DDHD1: variants seen among roughly 807,000 people sequenced by gnomAD.
DDHD1 encodes the protein DDHD domain containing 1.
Under a neutral mutation model 96.4 loss-of-function variants are expected in DDHD1, and 49 were observed. The ratio of observed to expected loss-of-function variants is 0.51; its 90% confidence interval spans 0.40 to 0.64. DDHD1 has a LOEUF of 0.64. DDHD1 is among the 30% of genes least tolerant of loss of function. DDHD1 has a pLI of 0.00. For synonymous variants in DDHD1, 442 were observed against 446.5 expected (o/e 0.99, Z 0.13); for missense variants, 1,106 against 1,161.2 (o/e 0.95, Z 0.69).
At chr14:53,125,282 C>T (rs182640780) in intron 1 of DDHD1, among the ~76,000 whole-genome samples, 4 of 152,236 alleles carry the variant, frequency 2.6e-5, no homozygotes, top group African/African-American at 9.6e-5. Context: ...TTTATATCAA[C>T]TCTTCCAAGT....
In DDHD1 at chr14:53,103,162, T is replaced by C. The variant is rs574283612; in HGVS notation, c.1012+521A>G. Reference sequence around the variant, plus strand: ...TGGCAATCTTAGCTACTATACAGTATTTTGAACTGTTACAAAAATATGCAA... The same window carrying C: ...TGGCAATCTTAGCTACTATACAGTACTTTGAACTGTTACAAAAATATGCAA... On this transcript the variant is annotated intron_variant, in intron 2 of 12. Coordinates refer to ENST00000673822, the MANE Select transcript of DDHD1 (RefSeq NM_001160148.2). The C allele has an allele frequency of 1.5e-5, 15 of 1,021,918 alleles. No homozygotes were observed. The East Asian group carries it at 3.9e-4, about 26-fold the overall frequency. 63.3% of individuals were successfully genotyped at this position (1,021,918 alleles called of 1,614,324 possible).
rs777246778 is a variant in DDHD1, at chr14:53,054,480, G to T, written c.2395C>A (p.Gln799Lys). ...CCAGAACTGCTATGTGGAAGGGTCT[G>T]TGTCCCTACGGTGGTAGCAGAAGGT... ...ASPSATTVGT[Q>K]TLPHSSSGFL... Residue 799 changes from glutamine (Q) to lysine (K), a missense_variant, in exon 11 of 13, where the codon CAG becomes AAG. This residue lies in a region of DDHD1 where 650 missense variants were observed against 758.8 expected (regional missense o/e 0.86). Transcript: ENST00000673822. 1 of 1,614,118 alleles carries T rather than the reference G, an allele frequency of 6.2e-7. No homozygotes were observed. Among genetic ancestry groups the T allele is most frequent in the Non-Finnish European group, 8.5e-7 (1 of 1,179,968 alleles).
chr14:53,042,485 CATGAT>C lies in DDHD1; in HGVS notation c.*4278_*4282del, dbSNP rs1759724455. 4 of 152,268 alleles carry C rather than the reference CATGAT, an allele frequency of 2.6e-5. No homozygotes were observed. The South Asian group carries it at 8.3e-4, about 32-fold the overall frequency. 9.4% of individuals were successfully genotyped at this position (152,268 alleles called of 1,614,324 possible). On this transcript the variant is annotated 3_prime_UTR_variant, in exon 13 of 13. Transcript: ENST00000673822. ...ACCTTTACTGCTATTTAAATGCTGACATGATACTGTAACAGGGTTGGATTAAATGA... is the reference window on the plus strand; with the variant it reads ...ACCTTTACTGCTATTTAAATGCTGACACTGTAACAGGGTTGGATTAAATGA...
chr14:53,077,324 C>T (rs1440624728), intron 4 of DDHD1, among the ~76,000 whole-genome samples: 2 of 152,138 alleles, frequency 1.3e-5, no homozygotes, highest in African/African-American at 4.8e-5. Flanking sequence ...AATTCCATCA[C>T]TCTTCATTTG....
intron 1 of DDHD1, among the ~76,000 whole-genome samples, chr14:53,119,435 T>C (rs144686608): frequency 1.9e-4 from 29 of 152,162 alleles, no homozygotes; most frequent in African/African-American, 6.3e-4. Context: ...AAAGAAAGAA[T>C]CCTCCCTAAC....
intron 1 of DDHD1, among the ~76,000 whole-genome samples, chr14:53,109,180 T>G (rs1887921536): frequency 6.6e-6 from 1 of 152,174 alleles, no homozygotes; most frequent in Non-Finnish European, 1.5e-5. Flanking sequence ...CTTCCTTTCC[T>G]CTTGCTGCCA....
At position 53,084,140 on chromosome 14, in the gene DDHD1, G is replaced by A. The variant is rs146716228; in HGVS notation, c.1289+7645C>T. 3.3e-4 allele frequency among the ~76,000 whole-genome samples: 50 copies of A among 152,138 alleles called. No individual in the cohort carries two copies. The East Asian group carries it at 4.1e-3, about 12-fold the overall frequency. On this transcript the variant is annotated intron_variant, in intron 4 of 12. Transcript: ENST00000673822. ...ACTAGCTAATGCACAGACTAGCTGG[G>A]ACTTTTGGAAAAAAGGACTTATTCT...
rs768108001 is a variant in DDHD1, at chr14:53,051,844, C to T, written c.2521G>A (p.Val841Met). ...NVMQNKDNAL[V>M]ELDHRIDFEL... ...ATGCTATTCCTGACATATACCATACCGAGGGCATTATCTTTATTCTGCATT... is the reference window on the plus strand; with the variant it reads ...ATGCTATTCCTGACATATACCATACTGAGGGCATTATCTTTATTCTGCATT... The change falls in exon 12 of 13, where the codon GTG (valine) becomes ATG (methionine). Residue 841 changes from valine to methionine, a missense_variant and splice_region_variant. Val to Met is a conservative substitution (Grantham distance 21, BLOSUM62 1). Transcript: ENST00000673822. 4.4e-6 allele frequency: 7 copies of T among 1,588,338 alleles called. No individual in the cohort carries two copies. The highest frequency in any genetic ancestry group is 6.0e-6 in the Non-Finnish European group (7 of 1,164,578).
rs555553924 is a variant in DDHD1 at position 53,112,738 on chromosome 14, T to A, written c.839-8882A>T. ...CATGTGGAATAGTCTTTACAGCATC[T>A]ATCATCTATACCAGTATAATTTGTG... On this transcript the variant is annotated intron_variant, in intron 1 of 12. Coordinates refer to ENST00000673822, the MANE Select transcript of DDHD1 (RefSeq NM_001160148.2). Among the ~76,000 whole-genome samples the A allele has an allele frequency of 2.6e-4, 39 of 152,328 alleles. No homozygotes were observed. In the South Asian group the frequency reaches 8.1e-3, roughly 32 times the overall value.
At chr14:53,146,207 C>T (rs1012004802) in intron 1 of DDHD1, among the ~76,000 whole-genome samples, 1 of 140,774 alleles carries the variant, frequency 7.1e-6, no homozygotes, top group African/African-American at 2.7e-5. Context: ...AACTCCATCT[C>T]AAAACAAACA....
In DDHD1 at chr14:53,037,664, T is replaced by G. The variant is rs974929219; in HGVS notation, c.*9104A>C. 1.3e-5 allele frequency: 2 copies of G among 152,154 alleles called. No individual in the cohort carries two copies. The highest frequency in any genetic ancestry group is 4.8e-5 in the African/African-American group (2 of 41,446). 9.4% of individuals were successfully genotyped at this position (152,154 alleles called of 1,614,324 possible). A position where few individuals can be genotyped will look rare whatever the true frequency, so the allele number is the denominator to read the frequency against. On this transcript the variant is annotated 3_prime_UTR_variant, in exon 13 of 13. Coordinates refer to ENST00000673822, the MANE Select transcript of DDHD1 (RefSeq NM_001160148.2). ...TGTTGGATGTCTAGTTTGCAAATATTTTCTCCAATTCTGTATGTTGTCTGT... is the reference window on the plus strand; with the variant it reads ...TGTTGGATGTCTAGTTTGCAAATATGTTCTCCAATTCTGTATGTTGTCTGT...
intron 1 of DDHD1, among the ~76,000 whole-genome samples, chr14:53,115,217 T>C (rs965391521): frequency 4.6e-5 from 7 of 152,104 alleles, no homozygotes; most frequent in African/African-American, 9.7e-5. Flanking sequence ...CCAAGAAATA[T>C]GGCACTATGT....
chr14:53,108,377 A>G (rs909457487), intron 1 of DDHD1, among the ~76,000 whole-genome samples: 12 of 152,102 alleles, frequency 7.9e-5, no homozygotes, highest in African/African-American at 2.2e-4. Flanking sequence ...CACTCACTGC[A>G]TGGCCCAAGA....
At chr14:53,093,216 TAAAAC>T (rs1886584935) in intron 3 of DDHD1, 95 bp downstream of exon 3, 1 of 1,299,338 alleles carries the variant, frequency 7.7e-7, no homozygotes, top group African/African-American at 1.5e-5. Flanking sequence ...TTAATATACT[TAAAAC>T]ATACTAAAAA....
intron 6 of DDHD1, among the ~76,000 whole-genome samples, chr14:53,067,410 G>T (rs1176937048): frequency 6.6e-6 from 1 of 151,172 alleles, no homozygotes; most frequent in South Asian, 2.1e-4. Flanking sequence ...TGCCCGTCTC[G>T]GCCTCCCAAA....
intron 1 of DDHD1, among the ~76,000 whole-genome samples, chr14:53,121,264 TAA>T (rs1224837195): frequency 6.6e-6 from 1 of 152,194 alleles, no homozygotes; most frequent in Non-Finnish European, 1.5e-5. Context: ...TAGCAATTAT[TAA>T]AAAGTCAGGA....
intron 2 of DDHD1, among the ~76,000 whole-genome samples, chr14:53,094,731 C>A (rs1229601081): frequency 6.6e-6 from 1 of 151,864 alleles, no homozygotes; most frequent in Admixed American, 6.6e-5. Flanking sequence ...GTGGTTCCAG[C>A]TACTTGGGAG....
chr14:53,128,162 C>T (rs1021349056), intron 1 of DDHD1, among the ~76,000 whole-genome samples: 1 of 152,192 alleles, frequency 6.6e-6, no homozygotes, highest in African/African-American at 2.4e-5. Flanking sequence ...GAGGCCTCCC[C>T]AGCCACGTGG....
chr14:53,093,254 G>A, intron 3 of DDHD1, 62 bp downstream of exon 3: 1 of 1,510,014 alleles, frequency 6.6e-7, no homozygotes, highest in Non-Finnish European at 8.9e-7. Context: ...TGTCTATTTT[G>A]AATATGAGAG....
Sources: allele counts gnomAD v4.1 joint callset (sites outside exome capture counted in the v4.1 genomes callset), GRCh38; gene constraint gnomAD v4.1.1; regional missense constraint gnomAD v4.1.1; transcripts MANE v1.5; gene names NCBI Gene and HGNC (gene_info 2026-07-23, HGNC 2026-07-21).